The following KCNIP3 variants were observed in gnomAD, a reference collection of about 807,000 sequenced individuals.
The protein encoded by KCNIP3 is calsenilin.
KCNIP3 carries 28 observed loss-of-function variants against 35.0 expected under a neutral mutation model. The ratio of observed to expected loss-of-function variants is 0.80; its 90% CI spans 0.59 to 1.10. The LOEUF (loss-of-function observed/expected upper bound fraction) is 1.10. Ranked by LOEUF, KCNIP3 falls within the 50% of genes least tolerant of loss-of-function variation. The probability of loss-of-function intolerance (pLI) is 0.00; values close to 1 mark genes in which losing one functional copy is unlikely to be tolerated. For missense variants in KCNIP3, 295 were observed against 338.4 expected, an observed-to-expected ratio of 0.87 and a Z score of 1.01; for synonymous variants, 134 against 133.8, an observed-to-expected ratio of 1.00 and a Z score of -0.01.
chr2:95,342,657 C>T (rs755305522), intron 2 of KCNIP3, among the ~76,000 whole-genome samples: 6 of 152,180 alleles, frequency 3.9e-5, no homozygotes, highest in Non-Finnish European at 7.3e-5. Flanking sequence ...GAGGTGACTC[C>T]GTTCTCAGGC....
At chr2:95,329,297 T>C (rs1222004621) in intron 2 of KCNIP3, among the ~76,000 whole-genome samples, 1 of 152,136 alleles carries the variant, frequency 6.6e-6, no homozygotes, top group Non-Finnish European at 1.5e-5. Context: ...CTTTCTAGAG[T>C]AAGCTGATCC....
At position 95,325,741 on chromosome 2, in the gene KCNIP3, A is replaced by G. The variant is rs181800265; in HGVS notation, c.181+15221A>G. ...TACACTTATACACATACACACTCAT[A>G]CACACGCACTCATACACACATACAC... On this transcript the variant is annotated intron_variant, in intron 2 of 8. Coordinates refer to ENST00000295225, the MANE Select transcript of KCNIP3 (RefSeq NM_013434.5). 4.9e-4 allele frequency among the ~76,000 whole-genome samples: 74 copies of G among 151,842 alleles called. 1 individual carries two copies. The highest frequency in any genetic ancestry group is 1.5e-3 in the African/African-American group (64 of 41,358).
intron 1 of KCNIP3, among the ~76,000 whole-genome samples, chr2:95,309,175 G>A (rs1420953341): frequency 1.3e-5 from 2 of 152,190 alleles, no homozygotes; most frequent in Non-Finnish European, 2.9e-5. Flanking sequence ...GGAGAGGACA[G>A]CACAAAGGCA....
chr2:95,360,673 C>G (rs947316663), intron 2 of KCNIP3, among the ~76,000 whole-genome samples: 1 of 152,084 alleles, frequency 6.6e-6, no homozygotes, highest in Non-Finnish European at 1.5e-5. Flanking sequence ...AGTCCAAGAT[C>G]GAGGGCTTGG....
intron 1 of KCNIP3, among the ~76,000 whole-genome samples, chr2:95,299,445 C>T (rs917523448): frequency 4.6e-5 from 7 of 152,178 alleles, no homozygotes; most frequent in South Asian, 2.1e-4. Flanking sequence ...CCCCCAGTAA[C>T]GCCCCATGAC....
intron 2 of KCNIP3, among the ~76,000 whole-genome samples, chr2:95,337,545 G>T (rs1320477430): frequency 6.6e-6 from 1 of 152,160 alleles, no homozygotes; most frequent in Non-Finnish European, 1.5e-5. Context: ...AACAGTTGAG[G>T]CTATAGCCCT....
chr2:95,380,690 C>T (rs1287529930), intron 5 of KCNIP3, among the ~76,000 whole-genome samples: 1 of 152,198 alleles, frequency 6.6e-6, no homozygotes, highest in African/African-American at 2.4e-5. Flanking sequence ...GCGATGGCCA[C>T]ACACAGCATG....
At chr2:95,356,951 C>T (rs775865681) in intron 2 of KCNIP3, among the ~76,000 whole-genome samples, 13 of 152,182 alleles carry the variant, frequency 8.5e-5, no homozygotes, top group Admixed American at 4.6e-4. Context: ...TTCTTCATCC[C>T]GTGCCCTGTA....
At chr2:95,334,108 G>C (rs2113417) in intron 2 of KCNIP3, among the ~76,000 whole-genome samples, 4 of 152,106 alleles carry the variant, frequency 2.6e-5, no homozygotes, top group African/African-American at 9.7e-5. Context: ...GCGAGGATGT[G>C]ACTTGAGAAC....
chr2:95,315,082 G>T (rs944038163), intron 2 of KCNIP3, among the ~76,000 whole-genome samples: 1 of 152,154 alleles, frequency 6.6e-6, no homozygotes, highest in Non-Finnish European at 1.5e-5. Context: ...ATTCCGTGGT[G>T]AAATGAGTCT....
chr2:95,334,839 C>A (rs1260354688), intron 2 of KCNIP3, among the ~76,000 whole-genome samples: 6 of 152,212 alleles, frequency 3.9e-5, no homozygotes, highest in Non-Finnish European at 5.9e-5. Context: ...TACTTGCAGA[C>A]CTCTGGCAGA....
chr2:95,325,373 G>A (rs373314288), intron 2 of KCNIP3, among the ~76,000 whole-genome samples: 30 of 152,140 alleles, frequency 2.0e-4, no homozygotes, highest in African/African-American at 6.5e-4. Flanking sequence ...ACCTGTGCCC[G>A]CCTCTGAGCC....
chr2:95,383,855 C>T, intron 8 of KCNIP3, 147 bp from the exon 9 acceptor site: 1 of 731,714 alleles, frequency 1.4e-6, no homozygotes, highest in Admixed American at 1.9e-5. Flanking sequence ...GCTACTTCAC[C>T]TCCCTGTCCC....
At chr2:95,315,347 A>G (rs988286688) in intron 2 of KCNIP3, among the ~76,000 whole-genome samples, 7 of 152,110 alleles carry the variant, frequency 4.6e-5, no homozygotes, top group Non-Finnish European at 8.8e-5. Flanking sequence ...TCTCAAGCAA[A>G]TGCCAGAGGA....
intron 1 of KCNIP3, among the ~76,000 whole-genome samples, chr2:95,298,109 G>T (rs1677922082): frequency 6.6e-6 from 1 of 152,214 alleles, no homozygotes; most frequent in African/African-American, 2.4e-5. Context: ...GAACAGGGAA[G>T]GGTGAAGAAT....
intron 2 of KCNIP3, among the ~76,000 whole-genome samples, chr2:95,323,587 T>G (rs1304821200): frequency 1.3e-5 from 2 of 152,086 alleles, no homozygotes; most frequent in African/African-American, 2.4e-5. Context: ...CGCGTCCGCC[T>G]CCCTGGACCA....
chr2:95,328,402 G>A (rs576893825), intron 2 of KCNIP3, among the ~76,000 whole-genome samples: 2 of 152,380 alleles, frequency 1.3e-5, no homozygotes, highest in South Asian at 4.1e-4. Context: ...GGAAATGTGA[G>A]GCCCACTCAG....
chr2:95,310,223 T>G (rs180760175), intron 1 of KCNIP3, 132 bp from the exon 2 acceptor site: 1 of 1,058,438 alleles, frequency 9.4e-7, no homozygotes, highest in East Asian at 2.4e-5. Flanking sequence ...GCACTAGGCA[T>G]GCAGCCCCGG....
In KCNIP3 at chr2:95,376,543, G is replaced by A. The variant is rs1680202107; in HGVS notation, c.447+1335G>A. Among the ~76,000 whole-genome samples the A allele has an allele frequency of 6.6e-6, 1 of 152,230 alleles. No individual in the cohort carries two copies. Among genetic ancestry groups the A allele is most frequent in the African/African-American group, 2.4e-5 (1 of 41,468 alleles). On this transcript the variant is annotated intron_variant, in intron 5 of 8. Coordinates refer to ENST00000295225, the MANE Select transcript of KCNIP3 (RefSeq NM_013434.5). This position sits in a 1 kb window ranked among gnomAD's most constrained non-coding sequence, Gnocchi z 4.2. ...GTGGCTGTGCTGTGGCCCCTCTGCT[G>A]GGCACCTTCTCAGAAGATCACTCAT... is the stretch of plus-strand genomic sequence containing the variant.
Sources: allele counts gnomAD v4.1 joint callset (sites outside exome capture counted in the v4.1 genomes callset), GRCh38; gene constraint gnomAD v4.1.1; non-coding constraint Gnocchi (gnomAD v3.1); transcripts MANE v1.5; gene names NCBI Gene and HGNC (gene_info 2026-07-23, HGNC 2026-07-21).